Variants in MEI4 observed in about 807,000 individuals in gnomAD.
The protein encoded by MEI4 is meiotic double-stranded break formation protein 4.
Under a neutral mutation model 31.4 loss-of-function variants are expected in MEI4, and 27 were observed. The ratio of observed to expected loss-of-function variants is 0.86; its 90% confidence interval spans 0.63 to 1.19. The LOEUF (loss-of-function observed/expected upper bound fraction) is 1.19. Ranked by LOEUF, MEI4 falls within the 50% of genes most tolerant of loss-of-function variation. MEI4 has a pLI of 0.00. For synonymous variants in MEI4, 122 were observed against 145.4 expected (o/e 0.84, Z 1.16); for missense variants, 329 against 398.9 (o/e 0.82, Z 1.49).
At position 77,770,782 on chromosome 6, in the gene MEI4, C is replaced by T. The variant is rs138103161; in HGVS notation, c.768+9117C>T. Reference sequence around the variant, plus strand: ...CCCTATTCATTAAATCAACTCAAGACGGACCAAAAACCTAAATGTAAAACA... The same window carrying T: ...CCCTATTCATTAAATCAACTCAAGATGGACCAAAAACCTAAATGTAAAACA... On this transcript the variant is annotated intron_variant, in intron 3 of 4. Coordinates refer to ENST00000684080, the MANE Select transcript of MEI4 (RefSeq NM_001322247.2). 1.4e-3 allele frequency among the ~76,000 whole-genome samples: 218 copies of T among 151,984 alleles called. 1 individual carries two copies. The highest frequency in any genetic ancestry group is 4.6e-3 in the African/African-American group (189 of 41,490).
intron 4 of MEI4, among the ~76,000 whole-genome samples, chr6:77,854,141 T>C (rs769347868): frequency 1.6e-4 from 25 of 152,268 alleles, no homozygotes; most frequent in Non-Finnish European, 3.2e-4. Flanking sequence ...TCTAAGTCAT[T>C]TGGATTCTGG....
chr6:77,726,490 A>T (rs868267713), intron 2 of MEI4, among the ~76,000 whole-genome samples: 2 of 152,190 alleles, frequency 1.3e-5, no homozygotes, highest in South Asian at 4.1e-4. Context: ...GTGAACAAGG[A>T]AGCGTAGAGC....
At chr6:77,864,818 C>A (rs1770974001) in intron 4 of MEI4, among the ~76,000 whole-genome samples, 1 of 151,964 alleles carries the variant, frequency 6.6e-6, no homozygotes, top group African/African-American at 2.4e-5. Context: ...CAAAATTGAC[C>A]ACATAGGTGG....
At chr6:77,798,052 A>C (rs1769129216) in intron 3 of MEI4, among the ~76,000 whole-genome samples, 1 of 152,274 alleles carries the variant, frequency 6.6e-6, no homozygotes, top group African/African-American at 2.4e-5. Context: ...AAATAAAACT[A>C]AACTAGAATA....
chr6:77,734,487 T>A (rs904342571), intron 2 of MEI4, among the ~76,000 whole-genome samples: 8 of 152,082 alleles, frequency 5.3e-5, no homozygotes, highest in African/African-American at 1.9e-4. Context: ...TTCCATTTGC[T>A]TGGTAGATCT....
intron 4 of MEI4, among the ~76,000 whole-genome samples, chr6:77,837,381 T>A (rs1046288326): frequency 6.6e-6 from 1 of 152,134 alleles, no homozygotes; most frequent in Non-Finnish European, 1.5e-5. Flanking sequence ...GAGGATGCAG[T>A]CAGTAAAACC....
Position 77,923,237 on chromosome 6 carries a change from A to G in MEI4, c.1049A>G (p.His350Arg). Residue 350 changes from histidine to arginine, a missense_variant, in exon 5 of 5, where the codon CAT becomes CGT. His to Arg is a conservative substitution (Grantham distance 29). Transcript: ENST00000684080. Reference sequence around the variant, plus strand: ...GAAATCAAGAAATTTCTTCAGAAGCATGATGAAACTATTTTCCAACTTTCT... The same window carrying G: ...GAAATCAAGAAATTTCTTCAGAAGCGTGATGAAACTATTTTCCAACTTTCT... ...DQEIKKFLQK[H>R]DETIFQLSDA... The G allele has an allele frequency of 1.7e-5, 21 of 1,230,586 alleles. No individual in the cohort carries two copies. Among genetic ancestry groups the G allele is most frequent in the Non-Finnish European group, 2.1e-5 (21 of 986,908 alleles). 76.2% of individuals were successfully genotyped at this position (1,230,586 alleles called of 1,614,324 possible).
intron 4 of MEI4, among the ~76,000 whole-genome samples, chr6:77,832,626 T>C (rs972079785): frequency 6.6e-6 from 1 of 152,108 alleles, no homozygotes; most frequent in Non-Finnish European, 1.5e-5. Flanking sequence ...GTAATTCATA[T>C]TATTCCCATT....
intron 3 of MEI4, among the ~76,000 whole-genome samples, chr6:77,799,112 G>A (rs1467495731): frequency 6.6e-6 from 1 of 152,166 alleles, no homozygotes; most frequent in Non-Finnish European, 1.5e-5. Context: ...CCCACCAGCA[G>A]TGTCAAAGTG....
At chr6:77,652,432 G>A (rs1360637064), upstream of MEI4, among the ~76,000 whole-genome samples, 2 of 152,174 alleles carry the variant, frequency 1.3e-5, no homozygotes, top group Non-Finnish European at 2.9e-5. Flanking sequence ...CCTAGGTCAG[G>A]TGGGGGTGAT....
chr6:77,834,379 A>T (rs866497327), intron 4 of MEI4, among the ~76,000 whole-genome samples: 5 of 147,736 alleles, frequency 3.4e-5, no homozygotes, highest in Admixed American at 6.8e-5. Context: ...TTCATATTAT[A>T]TATTTATAAA....
rs1221491631 is a variant in MEI4, at chr6:77,926,259, G to A, written c.*2913G>A. On this transcript the variant is annotated 3_prime_UTR_variant, in exon 5 of 5. Coordinates refer to ENST00000684080, the MANE Select transcript of MEI4 (RefSeq NM_001322247.2). ...GCTTATTTTGGATTTTTTAATTGCT[G>A]TAAACAAGTTGTCCTATCTATAAGT... 1 of 151,922 alleles carries A rather than the reference G, an allele frequency of 6.6e-6. No homozygotes were observed. Among genetic ancestry groups the A allele is most frequent in the Non-Finnish European group, 1.5e-5 (1 of 67,936 alleles). 9.4% of individuals were successfully genotyped at this position (151,922 alleles called of 1,614,324 possible). A position where few individuals can be genotyped will look rare whatever the true frequency, so the allele number is the denominator to read the frequency against.
Position 77,923,820 on chromosome 6 carries a change from A to C in MEI4, c.*474A>C, listed in dbSNP as rs558254931. The C allele has an allele frequency of 4.0e-5, 6 of 151,760 alleles. No individual in the cohort carries two copies. Among genetic ancestry groups the C allele is most frequent in the African/African-American group, 1.4e-4 (6 of 41,410 alleles). 9.4% of individuals were successfully genotyped at this position (151,760 alleles called of 1,614,324 possible). On this transcript the variant is annotated 3_prime_UTR_variant, in exon 5 of 5. Transcript: ENST00000684080. The stretch of plus-strand genomic sequence containing the variant: ...CTTTTTCTTACATAGTTGAACTTAT[A>C]TCATTGCTTTCACCTTAGACGAGAA...
intron 4 of MEI4, among the ~76,000 whole-genome samples, chr6:77,888,760 C>G (rs541938473): frequency 6.6e-6 from 1 of 152,134 alleles, no homozygotes; most frequent in Non-Finnish European, 1.5e-5. Context: ...TGGCTGTGTT[C>G]CCACCCAAAT....
intron 2 of MEI4, among the ~76,000 whole-genome samples, chr6:77,739,095 T>C (rs1363255202): frequency 2.0e-5 from 3 of 152,232 alleles, no homozygotes; most frequent in Non-Finnish European, 2.9e-5. Flanking sequence ...TTAGATCCCA[T>C]TCATCAATTT....
intron 1 of MEI4, among the ~76,000 whole-genome samples, chr6:77,669,500 G>C (rs1452411453): frequency 1.3e-5 from 2 of 151,964 alleles, no homozygotes; most frequent in Non-Finnish European, 2.9e-5. Context: ...ACTTTTTAAG[G>C]GTTTATTATT....
chr6:77,687,729 G>A (rs557355146), intron 1 of MEI4, among the ~76,000 whole-genome samples: 1 of 152,184 alleles, frequency 6.6e-6, no homozygotes, highest in East Asian at 1.9e-4. Context: ...CACAGGAACA[G>A]CCAAATGGGA....
At chr6:77,905,874 C>T (rs896105845) in intron 4 of MEI4, among the ~76,000 whole-genome samples, 12 of 150,456 alleles carry the variant, frequency 8.0e-5, no homozygotes, top group African/African-American at 2.4e-4. Flanking sequence ...ATTTACAATA[C>T]TTGATCTTTT....
chr6:77,696,542 G>A (rs548714706), intron 2 of MEI4, among the ~76,000 whole-genome samples: 1 of 151,652 alleles, frequency 6.6e-6, no homozygotes, highest in African/African-American at 2.4e-5. Flanking sequence ...TTTGTCTTTG[G>A]TTCTGTTTAT....
Sources: allele counts gnomAD v4.1 joint callset (sites outside exome capture counted in the v4.1 genomes callset), GRCh38; gene constraint gnomAD v4.1.1; transcripts MANE v1.5; gene names NCBI Gene and HGNC (gene_info 2026-07-23, HGNC 2026-07-21).